Variants in CNTN4 observed in about 807,000 individuals in gnomAD.
CNTN4 encodes the protein contactin 4.
Under a neutral mutation model 122.5 loss-of-function variants are expected in CNTN4, and 77 were observed. The ratio of observed to expected loss-of-function variants is 0.63; its 90% CI spans 0.52 to 0.76. CNTN4 has a LOEUF of 0.76. Among genes scored for constraint, CNTN4 ranks in the 30% least tolerant of loss-of-function variants. The probability of loss-of-function intolerance (pLI) is 0.00; values close to 1 mark genes in which losing one functional copy is unlikely to be tolerated. For synonymous variants in CNTN4, 512 were observed against 447.0 expected, an observed-to-expected ratio of 1.15 and a Z score of -1.83; for missense variants, 1,256 against 1,259.1, an observed-to-expected ratio of 1.00 and a Z score of 0.04.
Position 2,819,332 on chromosome 3 carries a change from T to C in CNTN4, c.359-154T>C, listed in dbSNP as rs536495209. Among the ~76,000 whole-genome samples, 12 of 152,294 alleles carry C rather than the reference T, an allele frequency of 7.9e-5. No individual in the cohort carries two copies. The South Asian group carries it at 2.3e-3, about 29-fold the overall frequency. ...CATAAAATCAAGGAGGATGGGACAA[T>C]GTCATATGAAAAGAAGCTCTCCTGA... On this transcript the variant is annotated intron_variant, in intron 6 of 24. Coordinates refer to ENST00000418658, the MANE Select transcript of CNTN4 (RefSeq NM_175607.3).
intron 4 of CNTN4, among the ~76,000 whole-genome samples, chr3:2,732,348 G>A (rs1202148986): frequency 6.6e-6 from 1 of 152,162 alleles, no homozygotes; most frequent in Non-Finnish European, 1.5e-5. Flanking sequence ...GATAAAACAA[G>A]CATGGCATGA....
At chr3:3,024,384 TA>T (rs55892513) in intron 14 of CNTN4, among the ~76,000 whole-genome samples, 9,817 of 89,982 alleles carry the variant, frequency 0.11, 346 homozygotes, top group African/African-American at 0.12. Context: ...TTTTCCTCAT[TA>T]AAAAAAAAAA....
chr3:3,009,026 C>G (rs1696920755), intron 14 of CNTN4: 1 of 985,410 alleles, frequency 1.0e-6, no homozygotes, highest in Non-Finnish European at 1.2e-6. Context: ...GGCTAGAGGA[C>G]AAGCCTGGTG....
intron 13 of CNTN4, among the ~76,000 whole-genome samples, chr3:2,971,143 G>A (rs1446765858): frequency 2.0e-5 from 3 of 152,186 alleles, no homozygotes; most frequent in Non-Finnish European, 4.4e-5. Flanking sequence ...TTATAAGGAA[G>A]AGAAGAATAT....
intron 12 of CNTN4, among the ~76,000 whole-genome samples, chr3:2,919,647 C>T (rs1030340522): frequency 1.3e-5 from 2 of 152,104 alleles, no homozygotes; most frequent in Non-Finnish European, 2.9e-5. Context: ...ACCTGCATAA[C>T]CAAGGACTTG....
At chr3:2,854,771 T>C (rs1176633289) in intron 7 of CNTN4, among the ~76,000 whole-genome samples, 3 of 152,242 alleles carry the variant, frequency 2.0e-5, no homozygotes, top group Non-Finnish European at 2.9e-5. Context: ...GTCAGTCATA[T>C]TACTGCTTGA....
chr3:2,154,267 C>A (rs943128425), intron 2 of CNTN4, among the ~76,000 whole-genome samples: 1 of 151,736 alleles, frequency 6.6e-6, no homozygotes, highest in African/African-American at 2.4e-5. Context: ...CGCCTGTAAT[C>A]CCCAGCTACT....
chr3:2,353,285 A>G (rs7612292), intron 3 of CNTN4, among the ~76,000 whole-genome samples: 52,381 of 151,952 alleles, frequency 0.34, 9,920 homozygotes, highest in East Asian at 0.8. Context: ...AAACACACCA[A>G]TCAGCACCCT....
intron 12 of CNTN4, among the ~76,000 whole-genome samples, chr3:2,912,526 A>C (rs902191680): frequency 2.0e-5 from 3 of 152,252 alleles, no homozygotes; most frequent in African/African-American, 7.2e-5. Flanking sequence ...ACATACAGAC[A>C]AATATAAAAT....
In CNTN4 at chr3:2,675,567, A is replaced by G. The variant is rs1435095265; in HGVS notation, c.56-60648A>G. Among the ~76,000 whole-genome samples the G allele has an allele frequency of 3.9e-5, 6 of 152,178 alleles. No homozygotes were observed. The East Asian group carries it at 1.2e-3, about 29-fold the overall frequency. ...TTTTTTCCACCTTCCCAAGAATGAA[A>G]GCTCCACGAAGACCAGGAAAAGACT... On this transcript the variant is annotated intron_variant, in intron 4 of 24. Coordinates refer to ENST00000418658, the MANE Select transcript of CNTN4 (RefSeq NM_175607.3).
chr3:2,494,542 A>G (rs547177168), intron 3 of CNTN4, among the ~76,000 whole-genome samples: 4 of 152,304 alleles, frequency 2.6e-5, no homozygotes, highest in South Asian at 2.1e-4. Context: ...CAGACAGAAT[A>G]GCTGGTAAAT....
intron 13 of CNTN4, among the ~76,000 whole-genome samples, chr3:2,976,089 A>G (rs1693391449): frequency 6.6e-6 from 1 of 152,196 alleles, no homozygotes; most frequent in South Asian, 2.1e-4. Context: ...TGGTGTTTCT[A>G]GTGTTATATG....
chr3:2,342,710 G>T (rs2044255346), intron 3 of CNTN4, among the ~76,000 whole-genome samples: 1 of 152,106 alleles, frequency 6.6e-6, no homozygotes, highest in Non-Finnish European at 1.5e-5. Context: ...GACTTTGTTG[G>T]CTTCTCCTTC....
intron 13 of CNTN4, among the ~76,000 whole-genome samples, chr3:2,953,005 G>A (rs1290617096): frequency 6.6e-6 from 1 of 152,178 alleles, no homozygotes; most frequent in African/African-American, 2.4e-5. Context: ...AGGAACTAAA[G>A]CTCATCAACA....
intron 3 of CNTN4, among the ~76,000 whole-genome samples, chr3:2,521,344 C>CGCCCA (rs11391494): frequency 6.5e-4 from 15 of 23,024 alleles, no homozygotes; most frequent in East Asian, 4.3e-3. Context: ...CTCTACCCAT[C>CGCCCA]CCCCCCACCC....
chr3:2,863,982 T>G (rs1357756093), intron 7 of CNTN4, among the ~76,000 whole-genome samples: 1 of 152,166 alleles, frequency 6.6e-6, no homozygotes, highest in Non-Finnish European at 1.5e-5. Context: ...CTAAGTTACT[T>G]TAGTCACAAA....
At chr3:2,918,054 G>A (rs2094388846) in intron 12 of CNTN4, among the ~76,000 whole-genome samples, 1 of 152,150 alleles carries the variant, frequency 6.6e-6, no homozygotes, top group South Asian at 2.1e-4. Flanking sequence ...AAAGTCTTTT[G>A]AATGTGATGA....
At chr3:2,733,822 C>G (rs1459722353) in intron 4 of CNTN4, among the ~76,000 whole-genome samples, 1 of 152,038 alleles carries the variant, frequency 6.6e-6, no homozygotes, top group African/African-American at 2.4e-5. Context: ...GTGTGAGCCA[C>G]CGCGCCTGGC....
intron 13 of CNTN4, among the ~76,000 whole-genome samples, chr3:2,975,297 C>T (rs1000115986): frequency 3.9e-5 from 6 of 152,120 alleles, no homozygotes; most frequent in Non-Finnish European, 7.4e-5. Context: ...TTATTTCTTT[C>T]CTACACCCTC....
Sources: allele counts gnomAD v4.1 joint callset (sites outside exome capture counted in the v4.1 genomes callset), GRCh38; gene constraint gnomAD v4.1.1; transcripts MANE v1.5; gene names NCBI Gene and HGNC (gene_info 2026-07-23, HGNC 2026-07-21).